ELF2: variants seen among roughly 807,000 people sequenced by gnomAD.
The protein encoded by ELF2 is E74 like ETS transcription factor 2.
In ELF2, 11 loss-of-function variants were observed where a neutral mutation model predicts 54.8. That is an observed-to-expected ratio of 0.20 (90% CI 0.13 to 0.33). The LOEUF is 0.33. Ranked by LOEUF, ELF2 falls within the 10% of genes least tolerant of loss-of-function variation. The pLI is 1.00. For synonymous variants in ELF2, 203 were observed against 245.1 expected, an observed-to-expected ratio of 0.83 and a Z score of 1.61; for missense variants, 513 against 703.0, an observed-to-expected ratio of 0.73 and a Z score of 3.06.
At chr4:139,156,165 T>G (rs1344835171) in intron 1 of ELF2, among the ~76,000 whole-genome samples, 1 of 151,628 alleles carries the variant, frequency 6.6e-6, no homozygotes, top group African/African-American at 2.4e-5. Context: ...ATACATATAT[T>G]CTTTTTTTTT....
At chr4:139,119,802 G>A (rs1736129005) in intron 4 of ELF2, among the ~76,000 whole-genome samples, 1 of 152,012 alleles carries the variant, frequency 6.6e-6, no homozygotes, top group Non-Finnish European at 1.5e-5. Context: ...TTTTTGAGAT[G>A]GAGTTTCTGT....
intron 1 of ELF2, among the ~76,000 whole-genome samples, chr4:139,156,815 G>A (rs1330412365): frequency 6.6e-6 from 1 of 151,910 alleles, no homozygotes; most frequent in Non-Finnish European, 1.5e-5. Flanking sequence ...TGTATTTTTA[G>A]TAGAGATGGG....
At chr4:139,134,499 G>A (rs1442321777) in intron 3 of ELF2, among the ~76,000 whole-genome samples, 1 of 150,958 alleles carries the variant, frequency 6.6e-6, no homozygotes, top group African/African-American at 2.5e-5. Context: ...TGGGACTCCA[G>A]GTGCATGCTA....
intron 4 of ELF2, among the ~76,000 whole-genome samples, chr4:139,081,617 T>C (rs1017767246): frequency 6.6e-6 from 1 of 152,162 alleles, no homozygotes; most frequent in African/African-American, 2.4e-5. Flanking sequence ...CCTGATGACC[T>C]CCCTCAAGGA....
At chr4:139,171,402 T>G (rs181257518) in intron 1 of ELF2, among the ~76,000 whole-genome samples, 1 of 151,962 alleles carries the variant, frequency 6.6e-6, no homozygotes, top group African/African-American at 2.4e-5. Flanking sequence ...TGTTCCATTT[T>G]TGGAATGCTA....
chr4:139,069,366 AAAAAGT>A (rs1478563513), intron 6 of ELF2, among the ~76,000 whole-genome samples: 1 of 152,222 alleles, frequency 6.6e-6, no homozygotes, highest in African/African-American at 2.4e-5. Flanking sequence ...CTGTTTTAAC[AAAAAGT>A]AAAACAGAAA....
intron 1 of ELF2, among the ~76,000 whole-genome samples, chr4:139,173,574 C>T (rs1388209130): frequency 1.3e-5 from 2 of 150,780 alleles, no homozygotes; most frequent in Admixed American, 1.3e-4. Context: ...CTGGCTAACA[C>T]AGTGAAATCC....
chr4:139,137,737 C>T lies in ELF2; in HGVS notation c.-36G>A. The T allele has an allele frequency of 6.2e-7, 1 of 1,612,154 alleles. No homozygotes were observed. The highest frequency in any genetic ancestry group is 1.7e-4 in the Middle Eastern group (1 of 6,050). ...TGAGGAAGCTTCAAACGCTATTAAT[C>T]AATGAAATTAAAGGTTCACTGATGG... On this transcript the variant is annotated 5_prime_UTR_variant, in exon 3 of 10. Transcript: ENST00000686138.
chr4:139,083,569 T>C (rs1011248826), intron 4 of ELF2, among the ~76,000 whole-genome samples: 1 of 151,816 alleles, frequency 6.6e-6, no homozygotes, highest in African/African-American at 2.4e-5. Context: ...TTTTGGCGGG[T>C]ATCGGTCCAC....
chr4:139,132,452 C>G (rs902549187), intron 3 of ELF2, among the ~76,000 whole-genome samples: 1 of 152,108 alleles, frequency 6.6e-6, no homozygotes, highest in Non-Finnish European at 1.5e-5. Flanking sequence ...TGTGCATGCA[C>G]ACACACACAT....
intron 1 of ELF2, among the ~76,000 whole-genome samples, chr4:139,164,836 G>T (rs1330913563): frequency 6.6e-6 from 1 of 152,174 alleles, no homozygotes; most frequent in Admixed American, 6.6e-5. Context: ...TGATGTGTCT[G>T]AATTGCTCCA....
rs1227801658 is a variant in ELF2, at chr4:139,152,446, C to T, written c.-251-12949G>A. Among the ~76,000 whole-genome samples, 7 of 152,076 alleles carry T rather than the reference C, an allele frequency of 4.6e-5. No homozygotes were observed. In the East Asian group the frequency reaches 7.7e-4, roughly 17 times the overall value. On this transcript the variant is annotated intron_variant, in intron 1 of 9. Transcript: ENST00000686138. ...ACCTCCCAAGCTCAAGTGATCCTCC[C>T]ACCTCTGCACAAGTAGCTGGGACCA...
intron 4 of ELF2, among the ~76,000 whole-genome samples, chr4:139,088,043 T>C (rs1039587294): frequency 3.3e-5 from 5 of 152,116 alleles, no homozygotes; most frequent in Admixed American, 2.0e-4. Flanking sequence ...TCCCAGCACT[T>C]TGGGGAGCCT....
chr4:139,146,233 C>A (rs1490443236), intron 1 of ELF2, among the ~76,000 whole-genome samples: 1 of 152,136 alleles, frequency 6.6e-6, no homozygotes, highest in African/African-American at 2.4e-5. Context: ...ACAACAACGA[C>A]CAAGCTGAGA....
At chr4:139,129,895 C>T in intron 3 of ELF2, among the ~76,000 whole-genome samples, 1 of 152,262 alleles carries the variant, frequency 6.6e-6, no homozygotes, top group South Asian at 2.1e-4. Context: ...GGCTTTAACA[C>T]TCTGAAATAT....
rs1727896391 is a variant in ELF2 at position 139,061,779 on chromosome 4, G to A, written c.806+86C>T. The A allele has an allele frequency of 2.0e-6, 3 of 1,468,518 alleles. No individual in the cohort carries two copies. The African/African-American group carries it at 4.3e-5, about 21-fold the overall frequency. The allele number at this position is 1,468,518 out of a possible 1,614,324, so 91.0% of individuals were successfully genotyped here. A position where few individuals can be genotyped will look rare whatever the true frequency, so the allele number is the denominator to read the frequency against. On this transcript the variant is annotated intron_variant, in intron 8 of 9. Coordinates refer to ENST00000686138, the MANE Select transcript of ELF2 (RefSeq NM_001331036.3). ...TCCCCCAAAGTTAAAAGTTGTAAAG[G>A]ATTTTCAGCTTCTCTTTAAACAGCT...
chr4:139,150,735 A>T (rs1739792383), intron 1 of ELF2, among the ~76,000 whole-genome samples: 1 of 152,020 alleles, frequency 6.6e-6, no homozygotes, highest in Admixed American at 6.6e-5. Context: ...AATGAAAAAG[A>T]GAGCTAGCTG....
At chr4:139,100,131 G>A (rs890902954) in intron 4 of ELF2, among the ~76,000 whole-genome samples, 1 of 152,174 alleles carries the variant, frequency 6.6e-6, no homozygotes, top group Non-Finnish European at 1.5e-5. Context: ...TTAAATCCTT[G>A]CTTCCACCAC....
chr4:139,151,090 A>AAGAG (rs1553971410), intron 1 of ELF2, among the ~76,000 whole-genome samples: 1 of 148,666 alleles, frequency 6.7e-6, no homozygotes, highest in Non-Finnish European at 1.5e-5. Context: ...GAAAGAAAGA[A>AAGAG]AGAAAAAGAG....
Sources: gnomAD v4.1 joint callset for allele counts (sites outside exome capture counted in the v4.1 genomes callset) on GRCh38, gnomAD v4.1.1 for gene constraint, MANE v1.5 for transcripts, NCBI Gene and HGNC (gene_info 2026-07-23, HGNC 2026-07-21) for gene names.